GABRB1: variants seen among roughly 807,000 people sequenced by gnomAD.
GABRB1 encodes gamma-aminobutyric acid receptor subunit beta-1.
Under a neutral mutation model 51.6 loss-of-function variants are expected in GABRB1, and 17 were observed. The ratio of observed to expected loss-of-function variants is 0.33; its 90% CI spans 0.23 to 0.49. The LOEUF (loss-of-function observed/expected upper bound fraction) is 0.49, where lower values mean the gene tolerates loss of function less well. Ranked by LOEUF, GABRB1 falls within the 20% of genes least tolerant of loss-of-function variation. GABRB1 has a pLI of 0.99. For synonymous variants in GABRB1, 247 were observed against 218.9 expected, an observed-to-expected ratio of 1.13 and a Z score of -1.14; for missense variants, 410 against 600.6, an observed-to-expected ratio of 0.68 and a Z score of 3.32.
intron 1 of GABRB1, among the ~76,000 whole-genome samples, chr4:47,012,385 T>G (rs1269567074): frequency 2.0e-5 from 3 of 152,098 alleles, no homozygotes; most frequent in South Asian, 2.1e-4. Flanking sequence ...TGTGTGTTGT[T>G]TCCCTCTATG....
intron 1 of GABRB1, among the ~76,000 whole-genome samples, chr4:46,997,751 TAC>T (rs972016262): frequency 1.3e-5 from 2 of 152,166 alleles, no homozygotes; most frequent in African/African-American, 4.8e-5. Flanking sequence ...CGTATATATA[TAC>T]ACACACATAT....
chr4:47,069,470 A>T (rs1335414514), intron 3 of GABRB1, among the ~76,000 whole-genome samples: 1 of 152,216 alleles, frequency 6.6e-6, no homozygotes, highest in Non-Finnish European at 1.5e-5. Flanking sequence ...ATTTTCTGTT[A>T]CATCACTTAA....
In GABRB1 at chr4:47,039,369, A is replaced by C. The variant is rs560825598; in HGVS notation, c.240+6885A>C. Among the ~76,000 whole-genome samples the C allele has an allele frequency of 4.0e-5, 6 of 151,408 alleles. No individual in the cohort carries two copies. In the East Asian group the frequency reaches 1.2e-3, roughly 29 times the overall value. On this transcript the variant is annotated intron_variant, in intron 3 of 8. Coordinates refer to ENST00000295454, the MANE Select transcript of GABRB1 (RefSeq NM_000812.4). ...GCAGAAAAGAAAATACAAAAAAAAAAAAAAAACCAGGCAACTAGATATGGT... is the reference window on the plus strand; with the variant it reads ...GCAGAAAAGAAAATACAAAAAAAAACAAAAAACCAGGCAACTAGATATGGT...
chr4:46,997,561 A>G lies in GABRB1; in HGVS notation c.-20+3635A>G, dbSNP rs536967209. Among the ~76,000 whole-genome samples, 5 of 152,062 alleles carry G rather than the reference A, an allele frequency of 3.3e-5. No individual in the cohort carries two copies. In the South Asian group the frequency reaches 1.0e-3, roughly 32 times the overall value. On this transcript the variant is annotated intron_variant, in intron 1 of 3. Coordinates refer to the GABRB1 transcript ENST00000513567. Reference sequence around the variant, plus strand: ...ACTCTCAGTTTCTATGTACTTGACTATTTATAGATTCCACAAATAAGTGAG... The same window carrying G: ...ACTCTCAGTTTCTATGTACTTGACTGTTTATAGATTCCACAAATAAGTGAG...
intron 3 of GABRB1, among the ~76,000 whole-genome samples, chr4:47,094,541 G>A (rs554236359): frequency 9.9e-5 from 15 of 151,956 alleles, no homozygotes; most frequent in Non-Finnish European, 1.8e-4. Context: ...TAATTCTTAC[G>A]TGTTAAGATT....
chr4:47,357,264 G>T (rs1202300950), intron 5 of GABRB1, among the ~76,000 whole-genome samples: 2 of 152,170 alleles, frequency 1.3e-5, no homozygotes, highest in African/African-American at 4.8e-5. Flanking sequence ...CTGGGGAGTT[G>T]TTATAGGCAG....
At chr4:47,185,930 T>C (rs561802045) in intron 4 of GABRB1, among the ~76,000 whole-genome samples, 1 of 151,852 alleles carries the variant, frequency 6.6e-6, no homozygotes, top group East Asian at 1.9e-4. Context: ...CTTTGGAACA[T>C]GGTCCTTCTG....
chr4:47,407,007 C>A, intron 8 of GABRB1, 81 bp downstream of exon 8: 4 of 1,321,954 alleles, frequency 3.0e-6, no homozygotes, highest in Admixed American at 2.3e-5. Context: ...AACTTAAAAA[C>A]GATTAATAAA....
At chr4:47,371,622 T>C (rs555245641) in intron 5 of GABRB1, among the ~76,000 whole-genome samples, 96 of 152,226 alleles carry the variant, frequency 6.3e-4, no homozygotes, top group Non-Finnish European at 1.3e-3. Context: ...TTTTTAATAA[T>C]TGCCATTCTG....
At chr4:47,224,562 C>T (rs991067242) in intron 4 of GABRB1, among the ~76,000 whole-genome samples, 2 of 152,066 alleles carry the variant, frequency 1.3e-5, no homozygotes, top group African/African-American at 4.8e-5. Context: ...AGGTCAAGAA[C>T]TTATACATCA....
intron 3 of GABRB1, among the ~76,000 whole-genome samples, chr4:47,116,006 T>C (rs1259923227): frequency 6.6e-6 from 1 of 152,232 alleles, no homozygotes; most frequent in Non-Finnish European, 1.5e-5. Context: ...GAATATTTTC[T>C]ACATTTAACC....
intron 1 of GABRB1, among the ~76,000 whole-genome samples, chr4:47,026,396 A>C (rs952609601): frequency 6.6e-6 from 1 of 152,056 alleles, no homozygotes; most frequent in Admixed American, 6.6e-5. Flanking sequence ...CAGGCACTAA[A>C]TATTTATTTT....
chr4:47,021,657 A>C (rs1724932539), intron 1 of GABRB1, among the ~76,000 whole-genome samples: 1 of 152,062 alleles, frequency 6.6e-6, no homozygotes, highest in South Asian at 2.1e-4. Context: ...CAATATTTAA[A>C]TATTTCTTTC....
intron 4 of GABRB1, 88 bp from the exon 5 acceptor site, chr4:47,320,039 T>C (rs753050107): frequency 1.1e-6 from 1 of 899,488 alleles, no homozygotes; most frequent in South Asian, 1.3e-5. Flanking sequence ...TTCTGCCAAC[T>C]GGTAAACATG....
intron 5 of GABRB1, among the ~76,000 whole-genome samples, chr4:47,351,818 A>G (rs1454453046): frequency 6.6e-6 from 1 of 151,908 alleles, no homozygotes; most frequent in East Asian, 1.9e-4. Flanking sequence ...ATTGTTGGAC[A>G]TTTGGGTTGG....
chr4:47,219,235 T>C (rs1350983731), intron 4 of GABRB1, among the ~76,000 whole-genome samples: 4 of 151,898 alleles, frequency 2.6e-5, no homozygotes, highest in Non-Finnish European at 5.9e-5. Context: ...TCTGATGATA[T>C]ATTAAAGTTC....
chr4:47,021,777 T>C (rs1724935715), intron 1 of GABRB1, among the ~76,000 whole-genome samples: 1 of 152,094 alleles, frequency 6.6e-6, no homozygotes, highest in Non-Finnish European at 1.5e-5. Flanking sequence ...ATGTCTAAGC[T>C]ATGTGACCCA....
chr4:47,055,744 G>A (rs992730536), intron 3 of GABRB1, among the ~76,000 whole-genome samples: 3 of 152,102 alleles, frequency 2.0e-5, no homozygotes, highest in African/African-American at 7.2e-5. Flanking sequence ...ACTCTCTCAT[G>A]TTTAGACTTC....
intron 8 of GABRB1, 43 bp from the exon 9 acceptor site, chr4:47,425,631 A>G: frequency 6.9e-7 from 1 of 1,452,418 alleles, no homozygotes; most frequent in Non-Finnish European, 9.4e-7. Flanking sequence ...AAACAGGCAA[A>G]GGTCCTGCAA....
Sources: allele counts gnomAD v4.1 joint callset (sites outside exome capture counted in the v4.1 genomes callset), GRCh38; gene constraint gnomAD v4.1.1; transcripts MANE v1.5; gene names NCBI Gene and HGNC (gene_info 2026-07-23, HGNC 2026-07-21).